GALNTL6: variants seen among roughly 807,000 people sequenced by gnomAD.
GALNTL6 encodes the protein polypeptide N-acetylgalactosaminyltransferase-like 6.
In GALNTL6, 46 loss-of-function variants were observed where a neutral mutation model predicts 73.7. That is an observed-to-expected ratio of 0.62 (90% CI 0.49 to 0.80). The LOEUF is 0.80. Ranked by LOEUF, GALNTL6 falls within the 30% of genes least tolerant of loss-of-function variation. The pLI is 0.00. For missense variants in GALNTL6, 604 were observed against 755.0 expected (o/e 0.80, Z 2.34); for synonymous variants, 259 against 263.7 (o/e 0.98, Z 0.17).
intron 5 of GALNTL6, among the ~76,000 whole-genome samples, chr4:172,665,418 C>T (rs1731606648): frequency 6.6e-6 from 1 of 152,158 alleles, no homozygotes. Flanking sequence ...AATTAAGGCA[C>T]ACAGCCATGG....
chr4:172,229,751 G>C lies in GALNTL6; in HGVS notation c.234G>C (p.Glu78Asp). 1.2e-6 allele frequency: 2 copies of C among 1,609,156 alleles called. No individual in the cohort carries two copies. The highest frequency in any genetic ancestry group is 1.7e-6 in the Non-Finnish European group (2 of 1,175,710). ...DWHDYESIQK[E>D]AMRSGKGEHG... ...ATGACTATGAAAGCATTCAGAAAGA[G>C]GCTATGCGCTCAGGTATGAAGCTCA... The change falls in exon 3 of 13, where the codon GAG (glutamate) becomes GAC (aspartate). Residue 78 changes from glutamate (E) to aspartate (D), a missense_variant. Physicochemically the swap from Glu to Asp is conservative, Grantham distance 45 (BLOSUM62 2). This residue lies in a region of GALNTL6 where 141 missense variants were observed against 156.6 expected (regional missense o/e 0.90). Coordinates refer to ENST00000506823, the MANE Select transcript of GALNTL6 (RefSeq NM_001034845.3).
chr4:171,926,869 T>C (rs1000877946), intron 2 of GALNTL6, among the ~76,000 whole-genome samples: 1 of 152,194 alleles, frequency 6.6e-6, no homozygotes, highest in Non-Finnish European at 1.5e-5. Context: ...TAGTTTTAGC[T>C]TTTGCACATA....
chr4:172,958,208 G>A (rs1253244656), intron 10 of GALNTL6, among the ~76,000 whole-genome samples: 2 of 152,194 alleles, frequency 1.3e-5, no homozygotes, highest in African/African-American at 4.8e-5. Context: ...GTGATTCTAA[G>A]GGCCTCTAAA....
intron 5 of GALNTL6, among the ~76,000 whole-genome samples, chr4:172,713,222 ATGTGTGTGTGTGTGTGTGTG>A (rs61504713): frequency 0.25 from 35,351 of 139,230 alleles, 5,035 homozygotes; most frequent in African/African-American, 0.4. Context: ...AAAGAATAAG[ATGTGTGTGTGTGTGTGTGTG>A]TGTGTGTGTG....
chr4:172,992,823 G>A (rs1198962569), intron 10 of GALNTL6, among the ~76,000 whole-genome samples: 2 of 152,160 alleles, frequency 1.3e-5, no homozygotes, highest in African/African-American at 4.8e-5. Flanking sequence ...TGAATAATTT[G>A]TTGGTTTTAC....
intron 5 of GALNTL6, among the ~76,000 whole-genome samples, chr4:172,562,885 A>G (rs1458355038): frequency 6.6e-6 from 1 of 152,230 alleles, no homozygotes; most frequent in East Asian, 1.9e-4. Flanking sequence ...GAAAGTGTAC[A>G]CATGGTTGAT....
chr4:172,647,348 A>C (rs1051580168), intron 5 of GALNTL6, among the ~76,000 whole-genome samples: 1 of 152,140 alleles, frequency 6.6e-6, no homozygotes, highest in African/African-American at 2.4e-5. Context: ...ATCAGTCTTC[A>C]TGTATTATAT....
chr4:172,104,336 T>C (rs1478699633), intron 2 of GALNTL6, among the ~76,000 whole-genome samples: 2 of 152,118 alleles, frequency 1.3e-5, no homozygotes, highest in Non-Finnish European at 2.9e-5. Context: ...CAAAGTTTAC[T>C]AAGACAGAGA....
intron 5 of GALNTL6, among the ~76,000 whole-genome samples, chr4:172,684,962 C>T (rs568160567): frequency 1.3e-5 from 2 of 152,216 alleles, no homozygotes; most frequent in South Asian, 4.1e-4. Flanking sequence ...CATTTATATT[C>T]AAAGAGTGAA....
At chr4:172,866,355 T>C (rs1194042300) in intron 7 of GALNTL6, among the ~76,000 whole-genome samples, 1 of 152,178 alleles carries the variant, frequency 6.6e-6, no homozygotes, top group African/African-American at 2.4e-5. Flanking sequence ...TAGGCTTTGG[T>C]GTCACACTCT....
At chr4:172,179,111 A>C (rs201990226) in intron 2 of GALNTL6, among the ~76,000 whole-genome samples, 1 of 146,908 alleles carries the variant, frequency 6.8e-6, no homozygotes, top group East Asian at 2.0e-4. Context: ...TGCTGCAATA[A>C]ACATACGTGT....
intron 2 of GALNTL6, among the ~76,000 whole-genome samples, chr4:172,053,026 G>A (rs1730921871): frequency 6.6e-6 from 1 of 152,128 alleles, no homozygotes; most frequent in Non-Finnish European, 1.5e-5. Context: ...ACCTTACTAT[G>A]TAAAATAATA....
At chr4:172,988,390 T>A (rs1032712711) in intron 10 of GALNTL6, among the ~76,000 whole-genome samples, 1 of 152,176 alleles carries the variant, frequency 6.6e-6, no homozygotes. Flanking sequence ...GCATTCAAGG[T>A]CTGCCCTGGC....
chr4:171,857,217 G>T (rs867802875), intron 2 of GALNTL6, among the ~76,000 whole-genome samples: 1 of 151,918 alleles, frequency 6.6e-6, no homozygotes, highest in Non-Finnish European at 1.5e-5. Context: ...GAACTCTAAT[G>T]ATATTTTCTA....
chr4:172,868,185 G>A (rs2111156432), intron 7 of GALNTL6, among the ~76,000 whole-genome samples: 1 of 152,212 alleles, frequency 6.6e-6, no homozygotes, highest in African/African-American at 2.4e-5. Context: ...ATGCCTGAAG[G>A]GATGCATAAA....
intron 2 of GALNTL6, among the ~76,000 whole-genome samples, chr4:172,008,237 A>C (rs1037365120): frequency 1.3e-5 from 2 of 152,200 alleles, no homozygotes; most frequent in African/African-American, 4.8e-5. Context: ...TTTAAAATGT[A>C]AATTGAAGCA....
intron 7 of GALNTL6, among the ~76,000 whole-genome samples, chr4:172,824,384 GTGTGTGTGTGTT>G (rs58380506): frequency 0.018 from 2,342 of 126,816 alleles, 58 homozygotes; most frequent in African/African-American, 0.084. Context: ...GTGAGTGTGT[GTGTGTGTGTGTT>G]TGTGTGTGTG....
intron 5 of GALNTL6, among the ~76,000 whole-genome samples, chr4:172,370,276 G>A (rs181398777): frequency 1.1e-4 from 16 of 152,094 alleles, no homozygotes; most frequent in East Asian, 9.7e-4. Flanking sequence ...CGATTCTAGC[G>A]GAAACAAATT....
intron 2 of GALNTL6, among the ~76,000 whole-genome samples, chr4:172,167,352 TTAGAAGATGG>T (rs1188147795): frequency 6.6e-6 from 1 of 152,162 alleles, no homozygotes; most frequent in African/African-American, 2.4e-5. Context: ...GTATAATAAT[TTAGAAGATGG>T]TATGCATATG....
Sources: allele counts gnomAD v4.1 joint callset (sites outside exome capture counted in the v4.1 genomes callset), GRCh38; gene constraint gnomAD v4.1.1; regional missense constraint gnomAD v4.1.1; transcripts MANE v1.5; gene names NCBI Gene and HGNC (gene_info 2026-07-23, HGNC 2026-07-21).